Variants in PIBF1 observed in about 807,000 individuals in gnomAD.
PIBF1 encodes progesterone-induced-blocking factor 1.
PIBF1 carries 90 observed loss-of-function variants against 112.5 expected under a neutral mutation model. That is an observed-to-expected ratio of 0.80 (90% CI 0.67 to 0.95). The LOEUF is 0.95. PIBF1 is among the 40% of genes least tolerant of loss of function. The probability of loss-of-function intolerance (pLI) is 0.00; values close to 1 mark genes in which losing one functional copy is unlikely to be tolerated. For synonymous variants in PIBF1, 301 were observed against 288.6 expected, an observed-to-expected ratio of 1.04 and a Z score of -0.44; for missense variants, 915 against 852.3, an observed-to-expected ratio of 1.07 and a Z score of -0.92.
chr13:72,852,227 G>A (rs1485580536), intron 9 of PIBF1, among the ~76,000 whole-genome samples: 1 of 152,166 alleles, frequency 6.6e-6, no homozygotes, highest in Middle Eastern at 3.2e-3. Flanking sequence ...GGAGCTCCCT[G>A]AGCAAGGGCT....
chr13:72,904,683 C>T (rs530564447), intron 11 of PIBF1, among the ~76,000 whole-genome samples: 5 of 151,802 alleles, frequency 3.3e-5, no homozygotes, highest in Non-Finnish European at 7.4e-5. Context: ...TCAGGTGATC[C>T]ACTTGCCTTG....
At chr13:72,863,258 C>T (rs556695250) in intron 10 of PIBF1, among the ~76,000 whole-genome samples, 1 of 152,154 alleles carries the variant, frequency 6.6e-6, no homozygotes, top group East Asian at 1.9e-4. Flanking sequence ...AAGGCTACAC[C>T]CATCTTTTCT....
chr13:72,830,204 A>G (rs954585641), intron 8 of PIBF1, among the ~76,000 whole-genome samples: 5 of 152,166 alleles, frequency 3.3e-5, no homozygotes, highest in African/African-American at 1.2e-4. Context: ...CTAAATATAC[A>G]ATCATGTCAT....
intron 10 of PIBF1, 61 bp downstream of exon 10, chr13:72,854,216 T>A (rs547808885): frequency 9.5e-7 from 1 of 1,051,468 alleles, no homozygotes; most frequent in East Asian, 2.4e-5. Flanking sequence ...TTACATATTC[T>A]TTTAGAAAAT....
intron 10 of PIBF1, among the ~76,000 whole-genome samples, chr13:72,868,482 T>G (rs1472741930): frequency 6.6e-6 from 1 of 152,148 alleles, no homozygotes; most frequent in Non-Finnish European, 1.5e-5. Flanking sequence ...ATAGTTTATA[T>G]AAGTAGTTTA....
intron 11 of PIBF1, among the ~76,000 whole-genome samples, chr13:72,904,288 A>T (rs940917417): frequency 6.6e-6 from 1 of 151,990 alleles, no homozygotes; most frequent in Non-Finnish European, 1.5e-5. Flanking sequence ...TTCTCAATTG[A>T]AAATCAGATA....
chr13:73,012,714 C>T (rs933925886), intron 17 of PIBF1, among the ~76,000 whole-genome samples: 1 of 151,880 alleles, frequency 6.6e-6, no homozygotes, highest in Non-Finnish European at 1.5e-5. Flanking sequence ...ATGATCATGC[C>T]ACTGCACTGT....
intron 12 of PIBF1, among the ~76,000 whole-genome samples, chr13:72,911,047 G>T (rs901622605): frequency 6.6e-6 from 1 of 152,132 alleles, no homozygotes; most frequent in Non-Finnish European, 1.5e-5. Flanking sequence ...GTGTGGTGGT[G>T]CACTCCTGCA....
rs994909699 is a variant in PIBF1 at position 72,858,252 on chromosome 13, A to G, written c.1322+4097A>G. On this transcript the variant is annotated intron_variant, in intron 10 of 17. Coordinates refer to ENST00000326291, the MANE Select transcript of PIBF1 (RefSeq NM_006346.4). ...TTTTTAGTAAAGATGGGGTTTTGCC[A>G]TGTTGCCCAGTCTGGTCTCGAATTC... 6.6e-5 allele frequency among the ~76,000 whole-genome samples: 10 copies of G among 152,112 alleles called. No individual in the cohort carries two copies. In the South Asian group the frequency reaches 2.1e-3, roughly 32 times the overall value.
At chr13:72,919,558 A>G (rs2041220562) in intron 13 of PIBF1, among the ~76,000 whole-genome samples, 1 of 152,198 alleles carries the variant, frequency 6.6e-6, no homozygotes, top group South Asian at 2.1e-4. Context: ...TTTTGTGGGT[A>G]AGAGACTTAT....
intron 16 of PIBF1, among the ~76,000 whole-genome samples, chr13:72,985,550 C>CAGAAAA (rs1432084364): frequency 6.6e-6 from 1 of 150,714 alleles, no homozygotes; most frequent in Non-Finnish European, 1.5e-5. Flanking sequence ...TCTCAAAAAA[C>CAGAAAA]AGAAAAAGAA....
At chr13:72,826,768 T>C (rs1216889616) in intron 6 of PIBF1, among the ~76,000 whole-genome samples, 1 of 152,238 alleles carries the variant, frequency 6.6e-6, no homozygotes, top group South Asian at 2.1e-4. Context: ...TTTACTGTAC[T>C]GGCTTATGTA....
At chr13:72,880,522 C>A (rs2039581397) in intron 10 of PIBF1, among the ~76,000 whole-genome samples, 1 of 152,066 alleles carries the variant, frequency 6.6e-6, no homozygotes, top group African/African-American at 2.4e-5. Context: ...TCCTAATTAC[C>A]TAATGAGATT....
At chr13:72,982,303 G>A (rs2043175925) in intron 16 of PIBF1, among the ~76,000 whole-genome samples, 1 of 152,062 alleles carries the variant, frequency 6.6e-6, no homozygotes, top group Non-Finnish European at 1.5e-5. Flanking sequence ...AGGGATGGTG[G>A]CACATGTCTG....
chr13:73,013,675 T>G (rs2044287919), intron 17 of PIBF1, among the ~76,000 whole-genome samples: 1 of 141,954 alleles, frequency 7.0e-6, no homozygotes, highest in Admixed American at 7.9e-5. Context: ...AGGTTGAGGC[T>G]ACAGTTAGCC....
At position 72,972,590 on chromosome 13, in the gene PIBF1, G is replaced by A. The variant is rs192028078; in HGVS notation, c.1965-1001G>A. 7.2e-5 allele frequency among the ~76,000 whole-genome samples: 11 copies of A among 152,140 alleles called. No homozygotes were observed. In the East Asian group the frequency reaches 1.7e-3, roughly 24 times the overall value. On this transcript the variant is annotated intron_variant, in intron 15 of 17. Transcript: ENST00000326291. ...GAGGCAGAAAAATGAGTTGAACCCA[G>A]GAGGCAGAGGTTGCAGTGAGCCGAG...
chr13:72,797,321 C>A (rs1029423181), intron 4 of PIBF1, among the ~76,000 whole-genome samples: 7 of 152,106 alleles, frequency 4.6e-5, no homozygotes, highest in African/African-American at 1.4e-4. Flanking sequence ...AGACAAAAAT[C>A]CCTGCCCTCA....
intron 14 of PIBF1, among the ~76,000 whole-genome samples, chr13:72,945,261 A>G (rs528588068): frequency 6.6e-6 from 1 of 152,318 alleles, no homozygotes; most frequent in South Asian, 2.1e-4. Flanking sequence ...CCCATGGTGT[A>G]TATGTATGAT....
At position 72,887,039 on chromosome 13, in the gene PIBF1, CT is replaced by C. The variant is rs747807659; in HGVS notation, c.1323-6730del. On this transcript the variant is annotated intron_variant, in intron 10 of 17. Coordinates refer to ENST00000326291, the MANE Select transcript of PIBF1 (RefSeq NM_006346.4). ...AGAACTGTGTTACTCTATAGTTTTT[CT>C]TTTTTTTTTTTTTTCCAACTCACTG... 3.9e-3 allele frequency among the ~76,000 whole-genome samples: 505 copies of C among 130,658 alleles called. 4 individuals carry two copies. Among genetic ancestry groups the C allele is most frequent in the African/African-American group, 7.8e-3 (280 of 35,854 alleles). 85.7% of individuals were successfully genotyped at this position (130,658 alleles called of 152,430 possible).
Sources: allele counts gnomAD v4.1 joint callset (sites outside exome capture counted in the v4.1 genomes callset), GRCh38; gene constraint gnomAD v4.1.1; transcripts MANE v1.5; gene names NCBI Gene and HGNC (gene_info 2026-07-23, HGNC 2026-07-21).